The following LHCGR variants were observed in gnomAD, a reference collection of about 807,000 sequenced individuals.
LHCGR encodes the protein lutropin-choriogonadotropic hormone receptor.
A neutral mutation model predicts 60.7 loss-of-function variants in LHCGR; 55 were observed. That is an observed-to-expected ratio of 0.91 (90% CI 0.73 to 1.13). LHCGR has a LOEUF of 1.13. Ranked by LOEUF, LHCGR falls within the 50% of genes most tolerant of loss-of-function variation. The pLI, the probability that LHCGR is intolerant of heterozygous loss-of-function variation, is 0.00. For missense variants in LHCGR, 862 were observed against 836.0 expected, an observed-to-expected ratio of 1.03 and a Z score of -0.38; for synonymous variants, 337 against 316.5, an observed-to-expected ratio of 1.06 and a Z score of -0.69.
intron 8 of LHCGR, among the ~76,000 whole-genome samples, chr2:48,700,241 G>T (rs1667341243): frequency 6.6e-6 from 1 of 152,132 alleles, no homozygotes; most frequent in East Asian, 1.9e-4. Context: ...TTTTGAGTGG[G>T]TACATTTAAA....
At chr2:48,733,021 T>A (rs1669066181) in intron 1 of LHCGR, 8 of 526,490 alleles carry the variant, frequency 1.5e-5, no homozygotes, top group South Asian at 1.1e-4. Flanking sequence ...TCTGGAATCA[T>A]GTTCGCTTGG....
At chr2:48,745,413 A>T (rs7567846) in intron 1 of LHCGR, among the ~76,000 whole-genome samples, 1 of 151,914 alleles carries the variant, frequency 6.6e-6, no homozygotes, top group South Asian at 2.1e-4. Context: ...TTATTGTGGC[A>T]TTATTCACAA....
intron 1 of LHCGR, among the ~76,000 whole-genome samples, chr2:48,736,183 A>T (rs1669198690): frequency 6.6e-6 from 1 of 152,150 alleles, no homozygotes; most frequent in South Asian, 2.1e-4. Flanking sequence ...TAGCAGTGTG[A>T]GAATGGACCA....
intron 9 of LHCGR, among the ~76,000 whole-genome samples, chr2:48,698,331 TG>T (rs1292160483): frequency 6.6e-6 from 1 of 152,256 alleles, no homozygotes; most frequent in East Asian, 1.9e-4. Context: ...ATGCCAGTTT[TG>T]TACTCCATTC....
chr2:48,742,038 C>A (rs369382290), intron 1 of LHCGR, among the ~76,000 whole-genome samples: 3 of 152,118 alleles, frequency 2.0e-5, no homozygotes, highest in East Asian at 1.9e-4. Flanking sequence ...CAGGGGTTGC[C>A]ATCCTAGTCT....
chr2:48,687,768 T>A lies in LHCGR; in HGVS notation c.2029A>T (p.Thr677Ser). ...CAGTGCAATGTGGACAACTTCAAGG[T>A]GGATTGAGAAGGCTTATTTGATCCA... ...FTGSNKPSQS[T>S]LKLSTLHCQG... The change falls in exon 11 of 11, where the codon ACC (threonine) becomes TCC (serine). Residue 677 changes from threonine to serine, a missense_variant. Transcript: ENST00000294954. 1 of 1,614,112 alleles carries A rather than the reference T, an allele frequency of 6.2e-7. No individual in the cohort carries two copies. The highest frequency in any genetic ancestry group is 8.5e-7 in the Non-Finnish European group (1 of 1,180,014).
At chr2:48,722,085 G>T (rs933296243) in intron 6 of LHCGR, among the ~76,000 whole-genome samples, 1 of 152,214 alleles carries the variant, frequency 6.6e-6, no homozygotes, top group Non-Finnish European at 1.5e-5. Context: ...AGGAGGCAGA[G>T]GTTGCAGTGA....
chr2:48,694,558 C>G (rs1319402884), intron 9 of LHCGR, among the ~76,000 whole-genome samples: 1 of 152,110 alleles, frequency 6.6e-6, no homozygotes, highest in Non-Finnish European at 1.5e-5. Context: ...GATGAAAAAA[C>G]TTAAATTTGT....
intron 1 of LHCGR, among the ~76,000 whole-genome samples, chr2:48,736,243 G>A (rs146632088): frequency 4.8e-4 from 73 of 152,164 alleles, no homozygotes; most frequent in South Asian, 4.4e-3. Context: ...CTTCTCTTTT[G>A]GGCAGCCCTC....
intron 7 of LHCGR, among the ~76,000 whole-genome samples, chr2:48,712,687 T>G: frequency 6.6e-6 from 1 of 150,686 alleles, no homozygotes; most frequent in Admixed American, 6.6e-5. Flanking sequence ...TTATAATTAA[T>G]TATATTATAT....
intron 1 of LHCGR, among the ~76,000 whole-genome samples, chr2:48,753,428 T>C (rs928559690): frequency 3.9e-5 from 6 of 152,128 alleles, no homozygotes; most frequent in Non-Finnish European, 4.4e-5. Context: ...CTCTCAACCA[T>C]CTGGTGCTCA....
At chr2:48,750,413 T>C (rs550115923) in intron 1 of LHCGR, among the ~76,000 whole-genome samples, 15 of 152,354 alleles carry the variant, frequency 9.8e-5, no homozygotes, top group African/African-American at 3.6e-4. Context: ...CTGATATAGG[T>C]AAGCTTCAGG....
At chr2:48,717,049 A>G (rs921699621) in intron 6 of LHCGR, among the ~76,000 whole-genome samples, 2 of 152,148 alleles carry the variant, frequency 1.3e-5, no homozygotes, top group South Asian at 2.1e-4. Flanking sequence ...CATCATTCCC[A>G]TGGGGCAAAT....
rs139389639 is a variant in LHCGR at position 48,733,380 on chromosome 2, T to C, written c.162-2082A>G. 4.2e-4 allele frequency among the ~76,000 whole-genome samples: 64 copies of C among 152,178 alleles called. No individual in the cohort carries two copies. In the Middle Eastern group the frequency reaches 0.01, roughly 24 times the overall value. On this transcript the variant is annotated intron_variant, in intron 1 of 10. Transcript: ENST00000294954. ...TCAGGGAGGTTGCCTGAGCTTTTGATTGATGTAGGGAGGAGGGATGAGGAG... is the reference window on the plus strand; with the variant it reads ...TCAGGGAGGTTGCCTGAGCTTTTGACTGATGTAGGGAGGAGGGATGAGGAG...
At position 48,687,714 on chromosome 2, in the gene LHCGR, G is replaced by A. The variant is rs776560193; in HGVS notation, c.2083C>T (p.Arg695Cys). The A allele has an allele frequency of 3.7e-6, 6 of 1,613,504 alleles. No individual in the cohort carries two copies. The highest frequency in any genetic ancestry group is 3.3e-5 in the South Asian group (3 of 91,062). ...TGTAACAGTTAACACTCTGTGTAGC[G>A]AGTCTTGTCTAGGAGAGCTGTACCT... Reference protein sequence around the residue: ...CQGTALLDKTRYTEC With the variant: ...CQGTALLDKTCYTEC Residue 695 changes from arginine to cysteine, a missense_variant, in exon 11 of 11, where the codon CGC becomes TGC. Arg to Cys is a radical substitution (Grantham distance 180, BLOSUM62 -3). Coordinates refer to ENST00000294954, the MANE Select transcript of LHCGR (RefSeq NM_000233.4).
chr2:48,709,173 C>G, intron 7 of LHCGR, 151 bp from the exon 8 acceptor site: 1 of 699,362 alleles, frequency 1.4e-6, no homozygotes, highest in East Asian at 2.7e-5. Context: ...GGGAAAAAGA[C>G]AAGCTAGTTC....
In LHCGR at chr2:48,723,634, G is replaced by A. The variant is rs1258752693; in HGVS notation, c.446C>T (p.Ser149Leu). The A allele has an allele frequency of 6.2e-7, 1 of 1,613,502 alleles. No homozygotes were observed. Among genetic ancestry groups the A allele is most frequent in the Non-Finnish European group, 8.5e-7 (1 of 1,179,438 alleles). Reference sequence around the variant, plus strand: ...GCCTGGTACTTACAGAATGAAATTTGATTCAGAGGAGAAGACCTTCGTAAC... The same window carrying A: ...GCCTGGTACTTACAGAATGAAATTTAATTCAGAGGAGAAGACCTTCGTAAC... ...PDVTKVFSSESNFILEICDNL... is the reference protein window; with the variant it reads ...PDVTKVFSSELNFILEICDNL... Residue 149 changes from serine to leucine, a missense_variant, in exon 5 of 11, where the codon TCA becomes TTA. Transcript: ENST00000294954.
chr2:48,745,441 C>G (rs1339640691), intron 1 of LHCGR, among the ~76,000 whole-genome samples: 1 of 152,096 alleles, frequency 6.6e-6, no homozygotes. Context: ...GACTTGGAAC[C>G]AAGCCAAATG....
chr2:48,710,800 G>T (rs76261607), intron 7 of LHCGR, among the ~76,000 whole-genome samples: 5,167 of 152,232 alleles, frequency 0.034, 257 homozygotes, highest in African/African-American at 0.12. Context: ...CTTCAGTATC[G>T]TTGTGTTCTG....
Sources: gnomAD v4.1 joint callset for allele counts (sites outside exome capture counted in the v4.1 genomes callset) on GRCh38, gnomAD v4.1.1 for gene constraint, MANE v1.5 for transcripts, NCBI Gene and HGNC (gene_info 2026-07-23, HGNC 2026-07-21) for gene names.